SNX9: variants seen among roughly 807,000 people sequenced by gnomAD.
The protein encoded by SNX9 is sorting nexin 9, also known as sorting nexin-9.
Under a neutral mutation model 89.4 loss-of-function variants are expected in SNX9, and 44 were observed. The ratio of observed to expected loss-of-function variants is 0.49; its 90% CI spans 0.39 to 0.63. The LOEUF (loss-of-function observed/expected upper bound fraction) is 0.63. Among genes scored for constraint, SNX9 ranks in the 30% least tolerant of loss-of-function variants. The pLI is 0.00. For missense variants in SNX9, 578 were observed against 736.1 expected (o/e 0.79, Z 2.49); for synonymous variants, 236 against 247.8 (o/e 0.95, Z 0.45).
chr6:157,850,110 C>T (rs534238797), intron 1 of SNX9, among the ~76,000 whole-genome samples: 1 of 151,996 alleles, frequency 6.6e-6, no homozygotes, highest in Non-Finnish European at 1.5e-5. Context: ...TGTGGAGGGG[C>T]GAGGGGAGGA....
chr6:157,853,781 A>G lies in SNX9; in HGVS notation c.13-13766A>G, dbSNP rs530674928. Among the ~76,000 whole-genome samples, 23 of 143,212 alleles carry G rather than the reference A, an allele frequency of 1.6e-4. No homozygotes were observed. In the East Asian group the frequency reaches 4.5e-3, roughly 28 times the overall value. The allele number at this position is 143,212 out of a possible 152,430, so 94.0% of individuals were successfully genotyped here. A position where few individuals can be genotyped will look rare whatever the true frequency, so the allele number is the denominator to read the frequency against. ...CAATTTTTAGTACATGCAAATGTACATGTAATGTTTAAAAAAAAAAAACAA... is the reference window on the plus strand; with the variant it reads ...CAATTTTTAGTACATGCAAATGTACGTGTAATGTTTAAAAAAAAAAAACAA... On this transcript the variant is annotated intron_variant, in intron 1 of 17. Coordinates refer to ENST00000392185, the MANE Select transcript of SNX9 (RefSeq NM_016224.5).
chr6:157,931,834 G>A (rs1416413244), intron 12 of SNX9, among the ~76,000 whole-genome samples: 5 of 152,228 alleles, frequency 3.3e-5, no homozygotes, highest in Admixed American at 3.3e-4. Context: ...TCAGCATGAG[G>A]ATGGTGTCTC....
At chr6:157,935,311 T>C (rs77012949) in intron 13 of SNX9, among the ~76,000 whole-genome samples, 3,872 of 152,284 alleles carry the variant, frequency 0.025, 114 homozygotes, top group African/African-American at 0.069. Context: ...CAATGGTCAT[T>C]CTAGGTAACG....
chr6:157,894,116 T>C (rs1366510783), intron 4 of SNX9, among the ~76,000 whole-genome samples: 3 of 138,870 alleles, frequency 2.2e-5, no homozygotes, highest in Non-Finnish European at 3.1e-5. Context: ...CTTTTTTTTT[T>C]TTTTTTTTTT....
At chr6:157,868,020 A>T (rs528140332) in intron 2 of SNX9, among the ~76,000 whole-genome samples, 1 of 152,302 alleles carries the variant, frequency 6.6e-6, no homozygotes, top group Admixed American at 6.5e-5. Context: ...GCATGATAAT[A>T]CTGTATCTCT....
chr6:157,882,753 A>G (rs150159552), intron 4 of SNX9, among the ~76,000 whole-genome samples: 3 of 152,328 alleles, frequency 2.0e-5, no homozygotes, highest in African/African-American at 7.2e-5. Context: ...CTTCAACCTC[A>G]TGATAAAACT....
chr6:157,833,875 A>G (rs1781520816), intron 1 of SNX9, among the ~76,000 whole-genome samples: 1 of 152,202 alleles, frequency 6.6e-6, no homozygotes, highest in Non-Finnish European at 1.5e-5. Flanking sequence ...CCATTTGCCC[A>G]TGTAGTGGAA....
At chr6:157,885,839 C>T (rs999384003) in intron 4 of SNX9, among the ~76,000 whole-genome samples, 2 of 152,154 alleles carry the variant, frequency 1.3e-5, no homozygotes, top group African/African-American at 2.4e-5. Flanking sequence ...CTGAAGTGGA[C>T]GTTTGGTGTC....
intron 1 of SNX9, among the ~76,000 whole-genome samples, chr6:157,861,565 C>T (rs954062394): frequency 3.3e-5 from 5 of 152,106 alleles, no homozygotes; most frequent in Non-Finnish European, 7.4e-5. Context: ...AATTTTATAG[C>T]GATAACTATA....
intron 1 of SNX9, among the ~76,000 whole-genome samples, chr6:157,840,432 T>TCTTTC (rs1554291577): frequency 1.7e-4 from 23 of 138,700 alleles, no homozygotes; most frequent in African/African-American, 5.3e-4. Flanking sequence ...TTCTTTCTTT[T>TCTTTC]CTTTCCTTTC....
chr6:157,919,160 A>ATC (rs1377189227), intron 9 of SNX9, among the ~76,000 whole-genome samples: 2 of 152,158 alleles, frequency 1.3e-5, no homozygotes, highest in Non-Finnish European at 2.9e-5. Context: ...TCAGTGAATT[A>ATC]TCTCATTATT....
rs753708819 is a variant in SNX9 at position 157,921,664 on chromosome 6, A to G, written c.1080+3A>G. 2 of 1,613,436 alleles carry G rather than the reference A, an allele frequency of 1.2e-6. No homozygotes were observed. The highest frequency in any genetic ancestry group is 1.7e-6 in the Non-Finnish European group (2 of 1,179,474). On this transcript the variant is annotated splice_donor_region_variant and intron_variant, in intron 10 of 17. Coordinates refer to ENST00000392185, the MANE Select transcript of SNX9 (RefSeq NM_016224.5). ...TCCTAAATTTCCGAGATGAGAAGGT[A>G]GGACATTGTGTTAATATGGCATCAG... is the stretch of plus-strand genomic sequence containing the variant.
At chr6:157,858,736 A>G (rs956875006) in intron 1 of SNX9, among the ~76,000 whole-genome samples, 23 of 152,320 alleles carry the variant, frequency 1.5e-4, no homozygotes, top group African/African-American at 4.6e-4. Context: ...GAGGCCTCAC[A>G]ATCATGGTGG....
intron 1 of SNX9, among the ~76,000 whole-genome samples, chr6:157,824,230 T>G (rs1419141079): frequency 1.3e-5 from 2 of 152,202 alleles, no homozygotes; most frequent in Non-Finnish European, 2.9e-5. Context: ...CAGTCACTCT[T>G]GGCTACCTGA....
intron 9 of SNX9, among the ~76,000 whole-genome samples, chr6:157,920,549 C>A (rs1309195717): frequency 1.3e-5 from 2 of 152,230 alleles, no homozygotes; most frequent in Non-Finnish European, 2.9e-5. Context: ...CCTCCCACCA[C>A]CACAGATTTC....
chr6:157,905,520 G>A (rs1783192384), intron 6 of SNX9, among the ~76,000 whole-genome samples: 1 of 152,068 alleles, frequency 6.6e-6, no homozygotes, highest in South Asian at 2.1e-4. Context: ...AAGTTTTTGA[G>A]TCTTAAGTGA....
At position 157,906,213 on chromosome 6, in the gene SNX9, G is replaced by C. The variant is rs1396233137; in HGVS notation, c.705+1G>C. ...ACCCAAAGAGAAAATTCCCATCATT[G>C]TAAGTTTGTTTATTTTTGTTTGCTT... On this transcript the variant is annotated splice_donor_variant, in intron 7 of 17. Coordinates refer to ENST00000392185, the MANE Select transcript of SNX9 (RefSeq NM_016224.5). LOFTEE classifies it high-confidence loss of function. 2 of 1,602,114 alleles carry C rather than the reference G, an allele frequency of 1.2e-6. No individual in the cohort carries two copies. The highest frequency in any genetic ancestry group is 8.5e-7 in the Non-Finnish European group (1 of 1,176,370).
intron 2 of SNX9, among the ~76,000 whole-genome samples, chr6:157,868,750 G>A (rs1055818769): frequency 2.0e-5 from 3 of 152,302 alleles, no homozygotes; most frequent in Middle Eastern, 3.4e-3. Context: ...TCAATTAATA[G>A]TATTTCATTG....
At chr6:157,887,422 A>G (rs1158081720) in intron 4 of SNX9, among the ~76,000 whole-genome samples, 4 of 152,118 alleles carry the variant, frequency 2.6e-5, no homozygotes, top group African/African-American at 4.8e-5. Context: ...TGATCAGTGC[A>G]GATCTGCAGT....
Sources: allele counts gnomAD v4.1 joint callset (sites outside exome capture counted in the v4.1 genomes callset), GRCh38; gene constraint gnomAD v4.1.1; transcripts MANE v1.5; gene names NCBI Gene and HGNC (gene_info 2026-07-23, HGNC 2026-07-21).